The following ADGRB3 variants were observed in gnomAD, a reference collection of about 807,000 sequenced individuals.
The protein encoded by ADGRB3 is adhesion G protein-coupled receptor B3.
Under a neutral mutation model 193.4 loss-of-function variants are expected in ADGRB3, and 37 were observed. The observed-to-expected ratio is 0.19, with a 90% CI of 0.15 to 0.25. The LOEUF (loss-of-function observed/expected upper bound fraction) is 0.25. ADGRB3 is among the 10% of genes least tolerant of loss of function. The pLI is 1.00. For missense variants in ADGRB3, 1,637 were observed against 1,852.9 expected, an observed-to-expected ratio of 0.88 and a Z score of 2.14; for synonymous variants, 690 against 644.2, an observed-to-expected ratio of 1.07 and a Z score of -1.08.
At chr6:69,104,282 C>T (rs946753581) in intron 17 of ADGRB3, among the ~76,000 whole-genome samples, 10 of 146,776 alleles carry the variant, frequency 6.8e-5, no homozygotes, top group Admixed American at 2.8e-4. Context: ...TGAGAATATG[C>T]GGTGTTTGGT....
intron 3 of ADGRB3, among the ~76,000 whole-genome samples, chr6:68,872,357 A>G (rs941550376): frequency 2.0e-5 from 3 of 152,060 alleles, no homozygotes; most frequent in Non-Finnish European, 4.4e-5. Flanking sequence ...ATTAAGAAGA[A>G]AAATAGAAAA....
intron 15 of ADGRB3, among the ~76,000 whole-genome samples, chr6:69,054,432 G>A (rs1462961367): frequency 1.3e-5 from 2 of 152,104 alleles, no homozygotes; most frequent in Admixed American, 6.6e-5. Flanking sequence ...CAATCAACCT[G>A]AAGCAGTCAG....
At chr6:69,305,067 T>C (rs1037814619) in intron 20 of ADGRB3, among the ~76,000 whole-genome samples, 1 of 151,512 alleles carries the variant, frequency 6.6e-6, no homozygotes, top group Non-Finnish European at 1.5e-5. Flanking sequence ...TTTCTTCCCC[T>C]ATATATAGTA....
At chr6:69,222,410 T>C (rs1765914774) in intron 17 of ADGRB3, among the ~76,000 whole-genome samples, 1 of 152,198 alleles carries the variant, frequency 6.6e-6, no homozygotes, top group Non-Finnish European at 1.5e-5. Flanking sequence ...AACTGGCTAA[T>C]TTTATAAATG....
rs527430038 is a variant in ADGRB3 at position 69,003,343 on chromosome 6, A to G, written c.1929+9381A>G. 1.6e-4 allele frequency among the ~76,000 whole-genome samples: 25 copies of G among 151,978 alleles called. No homozygotes were observed. In the East Asian group the frequency reaches 4.1e-3, roughly 25 times the overall value. On this transcript the variant is annotated intron_variant, in intron 11 of 31. Transcript: ENST00000370598. ...GTGGGCACTGCTTTTTTTATTTTTTATTTTTTTCACTTATTATGGAAGAAA... is the reference window on the plus strand; with the variant it reads ...GTGGGCACTGCTTTTTTTATTTTTTGTTTTTTTCACTTATTATGGAAGAAA...
At chr6:68,803,120 C>T (rs575581469) in intron 3 of ADGRB3, among the ~76,000 whole-genome samples, 1 of 152,146 alleles carries the variant, frequency 6.6e-6, no homozygotes, top group African/African-American at 2.4e-5. Context: ...ATCCCTGGAC[C>T]TTTCTTTAAG....
intron 3 of ADGRB3, among the ~76,000 whole-genome samples, chr6:68,764,707 T>C (rs1283306332): frequency 6.6e-6 from 1 of 152,172 alleles, no homozygotes; most frequent in African/African-American, 2.4e-5. Flanking sequence ...ATTTAATAGT[T>C]ATCCTCATGT....
At chr6:68,676,334 T>G in intron 3 of ADGRB3, among the ~76,000 whole-genome samples, 1 of 139,232 alleles carries the variant, frequency 7.2e-6, no homozygotes, top group African/African-American at 2.8e-5. Context: ...GAGGTTGCAG[T>G]GAGCCCAGCT....
At chr6:68,683,670 A>G (rs2127299121) in intron 3 of ADGRB3, among the ~76,000 whole-genome samples, 1 of 152,308 alleles carries the variant, frequency 6.6e-6, no homozygotes, top group South Asian at 2.1e-4. Context: ...TTGCGTCAAT[A>G]TTGCCAGGTC....
intron 13 of ADGRB3, among the ~76,000 whole-genome samples, chr6:69,034,744 G>A (rs947437689): frequency 1.3e-5 from 2 of 151,118 alleles, no homozygotes; most frequent in Non-Finnish European, 3.0e-5. Context: ...AATAATGAGA[G>A]GATGGTTTTA....
intron 15 of ADGRB3, among the ~76,000 whole-genome samples, chr6:69,055,335 A>G (rs1002930643): frequency 6.6e-6 from 1 of 152,066 alleles, no homozygotes; most frequent in African/African-American, 2.4e-5. Flanking sequence ...CTATTTTCTG[A>G]TTCTGAGTGT....
intron 3 of ADGRB3, among the ~76,000 whole-genome samples, chr6:68,902,632 A>C (rs970473126): frequency 1.3e-5 from 2 of 152,018 alleles, no homozygotes; most frequent in Admixed American, 6.6e-5. Flanking sequence ...AAAAGGCCAT[A>C]AAAAAGCCAA....
At chr6:68,791,761 T>C (rs1014975073) in intron 3 of ADGRB3, among the ~76,000 whole-genome samples, 3 of 152,220 alleles carry the variant, frequency 2.0e-5, no homozygotes, top group African/African-American at 7.2e-5. Flanking sequence ...AAGGTATTAT[T>C]CAAATTATGT....
At chr6:68,726,120 A>T (rs1287207512) in intron 3 of ADGRB3, among the ~76,000 whole-genome samples, 1 of 151,656 alleles carries the variant, frequency 6.6e-6, no homozygotes, top group Admixed American at 6.6e-5. Flanking sequence ...TGTTTACTTT[A>T]AATTTAGTTC....
At chr6:68,669,543 G>A (rs1005397434) in intron 3 of ADGRB3, among the ~76,000 whole-genome samples, 5 of 151,076 alleles carry the variant, frequency 3.3e-5, no homozygotes, top group African/African-American at 1.2e-4. Context: ...ATGATCTCCA[G>A]TCTCACCCAC....
At chr6:68,642,177 C>T (rs1240453747) in intron 3 of ADGRB3, among the ~76,000 whole-genome samples, 1 of 152,090 alleles carries the variant, frequency 6.6e-6, no homozygotes, top group Non-Finnish European at 1.5e-5. Flanking sequence ...ACTCAGAAGG[C>T]CTGCCTTGAG....
At chr6:69,014,853 A>AG (rs1007477803) in intron 12 of ADGRB3, among the ~76,000 whole-genome samples, 5 of 151,942 alleles carry the variant, frequency 3.3e-5, no homozygotes, top group Non-Finnish European at 5.9e-5. Context: ...TGAAAAAAAA[A>AG]GAATGAACAT....
chr6:69,198,025 A>C (rs1765337521), intron 17 of ADGRB3, among the ~76,000 whole-genome samples: 1 of 151,894 alleles, frequency 6.6e-6, no homozygotes, highest in Admixed American at 6.6e-5. Flanking sequence ...TATATGAATA[A>C]TTTCAAGTTA....
At position 69,300,282 on chromosome 6, in the gene ADGRB3, A is replaced by G. The variant is rs149974134; in HGVS notation, c.2815-24590A>G. Among the ~76,000 whole-genome samples the G allele has an allele frequency of 1.6e-4, 24 of 151,878 alleles. No individual in the cohort carries two copies. The East Asian group carries it at 2.5e-3, about 16-fold the overall frequency. On this transcript the variant is annotated intron_variant, in intron 20 of 31. Transcript: ENST00000370598. ...GAAATTAAACATTCCGTAATGATAA[A>G]CTCTCAATAAGCTGGATATAAAAGG...
Sources: gnomAD v4.1 joint callset for allele counts (sites outside exome capture counted in the v4.1 genomes callset) on GRCh38, gnomAD v4.1.1 for gene constraint, MANE v1.5 for transcripts, NCBI Gene and HGNC (gene_info 2026-07-23, HGNC 2026-07-21) for gene names.